The following POT1 variants were observed in gnomAD, a reference collection of about 807,000 sequenced individuals.
The protein encoded by POT1 is protection of telomeres protein 1.
POT1 carries 47 observed loss-of-function variants against 78.5 expected under a neutral mutation model. The observed-to-expected ratio is 0.60, with a 90% CI of 0.47 to 0.76. POT1 has a LOEUF of 0.76. POT1 is among the 30% of genes least tolerant of loss of function. The pLI is 0.00. For missense variants in POT1, 646 were observed against 749.9 expected (o/e 0.86, Z 1.62); for synonymous variants, 259 against 260.7 (o/e 0.99, Z 0.06).
chr7:124,843,656 T>C (rs557042334), intron 12 of POT1, among the ~76,000 whole-genome samples: 1 of 152,310 alleles, frequency 6.6e-6, no homozygotes, highest in South Asian at 2.1e-4. Flanking sequence ...CCTGGGATTG[T>C]AGTGATCAGT....
chr7:124,911,282 C>T (rs1354841955), intron 3 of POT1, among the ~76,000 whole-genome samples: 1 of 152,078 alleles, frequency 6.6e-6, no homozygotes, highest in East Asian at 1.9e-4. Context: ...CAAAGGGATT[C>T]ATTTGGAGCA....
rs143635917 is a variant in POT1, at chr7:124,842,843, T to C, written c.1127A>G (p.Gln376Arg). ...TTTAGGGCAATGAAGTTTAACAGAC[T>C]GAAATAGTCTTCTGGGCTTATATGA... is the stretch of plus-strand genomic sequence containing the variant. ...LRSYKPRRLFQSVKLHCPKCH... is the reference protein window; with the variant it reads ...LRSYKPRRLFRSVKLHCPKCH... The change falls in exon 13 of 19, where the codon CAG (glutamine) becomes CGG (arginine). Residue 376 changes from glutamine (Q) to arginine (R), a missense_variant. Coordinates refer to ENST00000357628, the MANE Select transcript of POT1 (RefSeq NM_015450.3). 5.2e-4 allele frequency: 834 copies of C among 1,602,376 alleles called. No individual in the cohort carries two copies. The highest frequency in any genetic ancestry group is 9.9e-4 in the Middle Eastern group (6 of 6,032).
intron 9 of POT1, 74 bp downstream of exon 9, chr7:124,858,883 A>G (rs1301719683): frequency 8.5e-7 from 1 of 1,175,258 alleles, no homozygotes; most frequent in Non-Finnish European, 1.2e-6. Context: ...AACCATATAT[A>G]AAAAATTTAC....
chr7:124,825,249 T>C lies in POT1; in HGVS notation c.1792+3A>G. ...GTGGGATTGTTAAAATATTCTTGCC[T>C]ACCAATTTTTATTCCTGGAGGACAA... On this transcript the variant is annotated splice_donor_region_variant and intron_variant, in intron 18 of 18. Transcript: ENST00000357628. The C allele has an allele frequency of 1.3e-6, 2 of 1,592,260 alleles. No homozygotes were observed. The highest frequency in any genetic ancestry group is 1.7e-6 in the Non-Finnish European group (2 of 1,163,442).
At chr7:124,920,265 T>C (rs1437086730) in intron 2 of POT1, among the ~76,000 whole-genome samples, 1 of 151,840 alleles carries the variant, frequency 6.6e-6, no homozygotes, top group Non-Finnish European at 1.5e-5. Flanking sequence ...GAAATACTAA[T>C]GAAAAAAACA....
At chr7:124,913,983 A>C (rs1796953393) in intron 3 of POT1, among the ~76,000 whole-genome samples, 1 of 151,916 alleles carries the variant, frequency 6.6e-6, no homozygotes, top group Non-Finnish European at 1.5e-5. Context: ...AAAATACAAA[A>C]AATTAGCAAG....
intron 3 of POT1, among the ~76,000 whole-genome samples, chr7:124,908,243 G>A (rs940142159): frequency 7.2e-5 from 11 of 151,970 alleles, no homozygotes; most frequent in African/African-American, 1.7e-4. Flanking sequence ...ACCTGACGGC[G>A]TTGATAGTGC....
rs558946239 is a variant in POT1, at chr7:124,839,589, A to G, written c.1369+1384T>C. Among the ~76,000 whole-genome samples the G allele has an allele frequency of 7.9e-5, 12 of 152,340 alleles. No individual in the cohort carries two copies. In the East Asian group the frequency reaches 1.7e-3, roughly 22 times the overall value. ...GCAGTAAGATCCTAGCCCTTGGTCCAGGTTATAATACTTAGAAACATAAAA... is the reference window on the plus strand; with the variant it reads ...GCAGTAAGATCCTAGCCCTTGGTCCGGGTTATAATACTTAGAAACATAAAA... On this transcript the variant is annotated intron_variant, in intron 14 of 18. Coordinates refer to ENST00000357628, the MANE Select transcript of POT1 (RefSeq NM_015450.3).
At chr7:124,909,623 T>C (rs1402917117) in intron 3 of POT1, among the ~76,000 whole-genome samples, 4 of 151,890 alleles carry the variant, frequency 2.6e-5, no homozygotes, top group Non-Finnish European at 5.9e-5. Flanking sequence ...GCAAGAAACC[T>C]TGACTTACCA....
At chr7:124,898,852 AT>A (rs1796554767) in intron 3 of POT1, among the ~76,000 whole-genome samples, 1 of 152,100 alleles carries the variant, frequency 6.6e-6, no homozygotes, top group Non-Finnish European at 1.5e-5. Flanking sequence ...GAACAAAGAT[AT>A]TTTCTTTCTA....
chr7:124,900,149 C>T (rs942279220), intron 3 of POT1, among the ~76,000 whole-genome samples: 1 of 152,032 alleles, frequency 6.6e-6, no homozygotes, highest in African/African-American at 2.4e-5. Context: ...GCATTGAAGG[C>T]CCTTCAGTGA....
intron 3 of POT1, among the ~76,000 whole-genome samples, chr7:124,914,296 T>G (rs966698527): frequency 6.6e-6 from 1 of 152,134 alleles, no homozygotes; most frequent in South Asian, 2.1e-4. Flanking sequence ...GTTGTTCTTT[T>G]TTAAGGTTGT....
At chr7:124,928,730 A>C (rs1034563592) in intron 2 of POT1, 85 bp downstream of exon 2, 1 of 152,638 alleles carries the variant, frequency 6.6e-6, no homozygotes, top group African/African-American at 2.4e-5. Context: ...ACCATACCTA[A>C]ACCAGTTCTC....
In POT1 at chr7:124,829,286, T is replaced by C. The variant is rs1482392861; in HGVS notation, c.1562A>G (p.Lys521Arg). 2.5e-6 allele frequency: 4 copies of C among 1,606,286 alleles called. No homozygotes were observed. The highest frequency in any genetic ancestry group is 3.4e-6 in the Non-Finnish European group (4 of 1,173,184). The stretch of plus-strand genomic sequence containing the variant: ...CACAGAAGAAGGAATCCACGATGTT[T>C]TATCAACCAGGGAATTTAGATTTTG... ...SIQNLNSLVDKTSWIPSSVAE... is the reference protein window; with the variant it reads ...SIQNLNSLVDRTSWIPSSVAE... The change falls in exon 16 of 19, where the codon AAA becomes AGA. Residue 521 changes from lysine to arginine, a missense_variant. Around this residue, in one of 2 missense-constraint regions of POT1, gnomAD observed 394 missense variants for 408.4 expected, o/e 0.96. Coordinates refer to ENST00000357628, the MANE Select transcript of POT1 (RefSeq NM_015450.3).
intron 6 of POT1, among the ~76,000 whole-genome samples, chr7:124,878,413 T>C (rs1165724321): frequency 2.0e-5 from 3 of 151,848 alleles, no homozygotes; most frequent in Non-Finnish European, 4.4e-5. Context: ...TTTTCAAGAT[T>C]TGCACAGTGT....
intron 7 of POT1, among the ~76,000 whole-genome samples, chr7:124,866,226 A>G (rs1795720057): frequency 7.3e-6 from 1 of 137,518 alleles, no homozygotes; most frequent in African/African-American, 2.8e-5. Flanking sequence ...TCTCCGTAGA[A>G]CTTGTTTCAG....
At chr7:124,855,368 T>C (rs1197799186) in intron 9 of POT1, among the ~76,000 whole-genome samples, 1 of 151,994 alleles carries the variant, frequency 6.6e-6, no homozygotes, top group South Asian at 2.1e-4. Flanking sequence ...GTGTTTATTA[T>C]ACTATCTTGT....
At chr7:124,886,247 T>C (rs1471293535) in intron 6 of POT1, among the ~76,000 whole-genome samples, 1 of 152,190 alleles carries the variant, frequency 6.6e-6, no homozygotes, top group Non-Finnish European at 1.5e-5. Context: ...TCTACCTAAA[T>C]GTGAACTGCA....
intron 15 of POT1, among the ~76,000 whole-genome samples, chr7:124,832,581 G>A (rs944871185): frequency 5.3e-5 from 8 of 151,958 alleles, no homozygotes; most frequent in African/African-American, 1.5e-4. Flanking sequence ...TTGGGAGGCC[G>A]AGGTGGGCAG....
Sources: gnomAD v4.1 joint callset for allele counts (sites outside exome capture counted in the v4.1 genomes callset) on GRCh38, gnomAD v4.1.1 for gene constraint, gnomAD v4.1.1 regional missense constraint, MANE v1.5 for transcripts, NCBI Gene and HGNC (gene_info 2026-07-23, HGNC 2026-07-21) for gene names.